SLC67A2: variants seen among roughly 807,000 people sequenced by gnomAD.
SLC67A2 encodes solute carrier family 67 member A2.
At chr2:102,725,732 T>G in the SLC67A2 span, among the ~76,000 whole-genome samples, 1 of 152,174 alleles carries the variant, frequency 6.6e-6, no homozygotes, top group African/African-American at 2.4e-5. Context: ...CTCTACAGAC[T>G]TTCAGAGTAA....
chr2:102,727,988 C>T, the SLC67A2 span, among the ~76,000 whole-genome samples: 2 of 152,104 alleles, frequency 1.3e-5, no homozygotes, highest in African/African-American at 4.8e-5. Flanking sequence ...AGAATTCCCA[C>T]ATTTGGGAAG....
the SLC67A2 span, among the ~76,000 whole-genome samples, chr2:102,720,926 G>A: frequency 1.5e-3 from 236 of 152,332 alleles, 1 homozygote; most frequent in Non-Finnish European, 2.0e-3. Context: ...TATGTTCACT[G>A]CACTGAATGG....
chr2:102,719,328 A>G, the SLC67A2 span: 1 of 1,000,056 alleles, frequency 1.0e-6, no homozygotes, highest in Admixed American at 2.8e-5. Context: ...TACTAAATTT[A>G]CTAGTCTGTA....
chr2:102,734,678 C>G, the SLC67A2 span, among the ~76,000 whole-genome samples: 2 of 152,106 alleles, frequency 1.3e-5, no homozygotes, highest in Non-Finnish European at 2.9e-5. Flanking sequence ...AAAATCCCTA[C>G]TCTTTCAACT....
At chr2:102,724,056 G>C in the SLC67A2 span, 3 of 668,494 alleles carry the variant, frequency 4.5e-6, no homozygotes, top group South Asian at 5.5e-5. Context: ...TACCACCACG[G>C]CATCTGATCT....
At chr2:102,736,769 C>T in the SLC67A2 span, 1 of 1,613,672 alleles carries the variant, frequency 6.2e-7, no homozygotes, top group Non-Finnish European at 8.5e-7. Flanking sequence ...CCGAGACCAG[C>T]CTCGGGGCCG....
the SLC67A2 span, chr2:102,736,789 C>A: frequency 6.2e-7 from 1 of 1,612,680 alleles, no homozygotes; most frequent in South Asian, 1.1e-5. Context: ...GAGTTCATGT[C>A]CCAGTGACCC....
chr2:102,736,848 C>CT, the SLC67A2 span: 2 of 1,561,158 alleles, frequency 1.3e-6, no homozygotes, highest in Non-Finnish European at 1.7e-6. Flanking sequence ...GCAGCAGCCG[C>CT]GGACCTACCC....
At chr2:102,715,913 G>GTATTT in the SLC67A2 span, 2 of 152,066 alleles carry the variant, frequency 1.3e-5, no homozygotes, top group African/African-American at 4.8e-5. Flanking sequence ...TTAGACCAGG[G>GTATTT]GTTTTCAAAG....
chr2:102,733,976 G>C, the SLC67A2 span, among the ~76,000 whole-genome samples: 1 of 152,124 alleles, frequency 6.6e-6, no homozygotes. Context: ...TTTCCTCTCA[G>C]GAAGTTCTGT....
chr2:102,735,117 C>G, the SLC67A2 span, among the ~76,000 whole-genome samples: 1 of 152,114 alleles, frequency 6.6e-6, no homozygotes, highest in African/African-American at 2.4e-5. Context: ...TTCTAGGTGC[C>G]TAGACTGAAA....
the SLC67A2 span, among the ~76,000 whole-genome samples, chr2:102,729,973 T>A: frequency 6.6e-6 from 1 of 152,208 alleles, no homozygotes; most frequent in Non-Finnish European, 1.5e-5. Context: ...TTTGTGTTCA[T>A]TAAATATGAG....
the SLC67A2 span, chr2:102,718,358 C>G: frequency 6.3e-7 from 1 of 1,578,734 alleles, no homozygotes; most frequent in South Asian, 1.2e-5. Flanking sequence ...CCCTTTTCAT[C>G]ATGGCCTCCG....
At chr2:102,736,815 G>A in the SLC67A2 span, 9 of 1,596,346 alleles carry the variant, frequency 5.6e-6, no homozygotes, top group Non-Finnish European at 7.7e-6. Flanking sequence ...CTCCATACCC[G>A]CGCCGGCCGG....
the SLC67A2 span, chr2:102,736,561 G>C: frequency 3.1e-6 from 5 of 1,611,116 alleles, no homozygotes; most frequent in Admixed American, 8.4e-5. Context: ...CTCCCTGGGA[G>C]CTCCCCGGAA....
At chr2:102,728,287 G>A in the SLC67A2 span, among the ~76,000 whole-genome samples, 4 of 152,080 alleles carry the variant, frequency 2.6e-5, no homozygotes, top group Non-Finnish European at 5.9e-5. Context: ...CATTAGTCCC[G>A]GCTAGGAGGT....
At chr2:102,734,748 C>T in the SLC67A2 span, among the ~76,000 whole-genome samples, 12 of 152,198 alleles carry the variant, frequency 7.9e-5, no homozygotes, top group East Asian at 1.7e-3. Context: ...CTCTTGAATA[C>T]ATTATTAAAG....
the SLC67A2 span, among the ~76,000 whole-genome samples, chr2:102,734,528 C>T: frequency 6.7e-6 from 1 of 149,060 alleles, no homozygotes; most frequent in South Asian, 2.2e-4. Flanking sequence ...GAGGTCTCTA[C>T]ATCCCTAAAT....
the SLC67A2 span, among the ~76,000 whole-genome samples, chr2:102,733,324 G>A: frequency 6.6e-6 from 1 of 152,134 alleles, no homozygotes; most frequent in Non-Finnish European, 1.5e-5. Context: ...CATACAGCTG[G>A]TTAGTTGGAA....
Sources: gnomAD v4.1 joint callset for allele counts (sites outside exome capture counted in the v4.1 genomes callset) on GRCh38, gnomAD v4.1.1 for gene constraint, MANE v1.5 for transcripts, NCBI Gene and HGNC (gene_info 2026-07-23, HGNC 2026-07-21) for gene names.